ROBO1: variants seen among roughly 807,000 people sequenced by gnomAD.
ROBO1 encodes the protein roundabout guidance receptor 1.
ROBO1 carries 149 observed loss-of-function variants against 195.9 expected under a neutral mutation model. That is an observed-to-expected ratio of 0.76 (90% CI 0.67 to 0.87). The LOEUF (loss-of-function observed/expected upper bound fraction) is 0.87. ROBO1 is among the 40% of genes least tolerant of loss of function. ROBO1 has a pLI of 0.00. For synonymous variants in ROBO1, 816 were observed against 733.2 expected (o/e 1.11, Z -1.82); for missense variants, 1,933 against 2,068.3 (o/e 0.93, Z 1.27).
intron 2 of ROBO1, among the ~76,000 whole-genome samples, chr3:79,568,134 A>G (rs1943150113): frequency 6.6e-6 from 1 of 152,106 alleles, no homozygotes; most frequent in East Asian, 1.9e-4. Context: ...TTCAGACATC[A>G]TTGTTACTAT....
intron 2 of ROBO1, among the ~76,000 whole-genome samples, chr3:79,357,750 T>C (rs2035613652): frequency 6.6e-6 from 1 of 152,132 alleles, no homozygotes. Flanking sequence ...GACTTTGTTT[T>C]ATGTGAGTCT....
intron 1 of ROBO1, among the ~76,000 whole-genome samples, chr3:79,673,398 T>C (rs965628069): frequency 6.6e-6 from 1 of 151,910 alleles, no homozygotes; most frequent in Non-Finnish European, 1.5e-5. Context: ...AGATTTAATG[T>C]TTTGGAACTG....
intron 2 of ROBO1, among the ~76,000 whole-genome samples, chr3:79,364,001 G>A (rs762109299): frequency 3.9e-4 from 59 of 151,874 alleles, no homozygotes; most frequent in Non-Finnish European, 7.1e-4. Context: ...TCAGGAGATC[G>A]AGAACATCCT....
chr3:79,159,766 A>G (rs1233144886), intron 2 of ROBO1, among the ~76,000 whole-genome samples: 1 of 151,982 alleles, frequency 6.6e-6, no homozygotes, highest in Non-Finnish European at 1.5e-5. Flanking sequence ...TATGTTTCTG[A>G]GCCCAGGGTT....
chr3:79,477,640 G>T (rs1938613360), intron 2 of ROBO1, among the ~76,000 whole-genome samples: 1 of 152,094 alleles, frequency 6.6e-6, no homozygotes, highest in South Asian at 2.1e-4. Context: ...GAGAAAAGCT[G>T]TTTTAAGCAG....
At chr3:79,571,604 C>A (rs553834067) in intron 2 of ROBO1, among the ~76,000 whole-genome samples, 1 of 152,130 alleles carries the variant, frequency 6.6e-6, no homozygotes, top group Non-Finnish European at 1.5e-5. Flanking sequence ...ACTGCTTCTT[C>A]ATTTGTGAAA....
At chr3:79,733,952 CT>C (rs747730486) in intron 1 of ROBO1, among the ~76,000 whole-genome samples, 273 of 138,694 alleles carry the variant, frequency 2.0e-3, no homozygotes, top group Non-Finnish European at 2.4e-3. Flanking sequence ...ATCCTCCCAT[CT>C]TTTTTTTTTT....
At chr3:78,704,838 T>C (rs1490614048) in intron 8 of ROBO1, among the ~76,000 whole-genome samples, 1 of 152,096 alleles carries the variant, frequency 6.6e-6, no homozygotes, top group Non-Finnish European at 1.5e-5. Context: ...TGAGACCCTG[T>C]CTCAAAAAAA....
intron 16 of ROBO1, 101 bp from the exon 17 acceptor site, chr3:78,659,908 T>C (rs1575861611): frequency 4.0e-6 from 3 of 746,150 alleles, no homozygotes; most frequent in Non-Finnish European, 5.9e-6. Context: ...TAATACTATA[T>C]CAATATATGC....
At chr3:78,885,940 T>TATATATATATATATATATATATAC (rs1043908565) in intron 4 of ROBO1, among the ~76,000 whole-genome samples, 1 of 140,806 alleles carries the variant, frequency 7.1e-6, no homozygotes, top group Admixed American at 7.1e-5. Flanking sequence ...TATATATATA[T>TATATATATATATATATATATATAC]ACATACATAT....
chr3:78,662,563 TAGTGAAAACCA>T (rs1208272670), intron 14 of ROBO1, among the ~76,000 whole-genome samples: 8 of 152,132 alleles, frequency 5.3e-5, no homozygotes, highest in Non-Finnish European at 1.2e-4. Flanking sequence ...GAGATATGGT[TAGTGAAAACCA>T]AGAACAGAAA....
At chr3:79,501,854 TA>T (rs2107502368) in intron 2 of ROBO1, among the ~76,000 whole-genome samples, 1 of 152,342 alleles carries the variant, frequency 6.6e-6, no homozygotes, top group East Asian at 1.9e-4. Context: ...TAACGGCCAG[TA>T]TCAGTTTTGA....
chr3:79,374,591 G>A lies in ROBO1; in HGVS notation c.88+215233C>T, dbSNP rs558200199. The stretch of plus-strand genomic sequence containing the variant: ...ATTTGATAATATATTTGAACCATAA[G>A]ATATGTGCATATTTTAAATAGCCAT... On this transcript the variant is annotated intron_variant, in intron 2 of 30. Coordinates refer to ENST00000464233, the MANE Select transcript of ROBO1 (RefSeq NM_002941.4). 9.5e-4 allele frequency among the ~76,000 whole-genome samples: 145 copies of A among 152,198 alleles called. 1 individual carries two copies. The Middle Eastern group carries it at 0.02, about 21-fold the overall frequency.
intron 24 of ROBO1, among the ~76,000 whole-genome samples, chr3:78,633,411 G>A (rs2107518439): frequency 6.6e-6 from 1 of 152,232 alleles, no homozygotes; most frequent in East Asian, 1.9e-4. Context: ...ACAGACTGAG[G>A]TTGGGAGGTT....
intron 2 of ROBO1, among the ~76,000 whole-genome samples, chr3:79,285,251 C>T (rs563502517): frequency 3.9e-5 from 6 of 152,188 alleles, no homozygotes; most frequent in Non-Finnish European, 5.9e-5. Flanking sequence ...ATCTCACACT[C>T]ACTTGACTTA....
At chr3:78,916,563 A>G (rs1020034628) in intron 4 of ROBO1, among the ~76,000 whole-genome samples, 10 of 151,958 alleles carry the variant, frequency 6.6e-5, no homozygotes, top group Middle Eastern at 3.4e-3. Flanking sequence ...AAAAGAAAAA[A>G]AAAAAAAAAA....
At chr3:79,500,126 T>G (rs1404400776) in intron 2 of ROBO1, among the ~76,000 whole-genome samples, 2 of 114,788 alleles carry the variant, frequency 1.7e-5, no homozygotes, top group Admixed American at 8.1e-5. Context: ...TCTCTTTTTT[T>G]TTTTTTTTTT....
At chr3:78,787,257 G>T (rs1418812222) in intron 4 of ROBO1, among the ~76,000 whole-genome samples, 1 of 152,046 alleles carries the variant, frequency 6.6e-6, no homozygotes, top group Non-Finnish European at 1.5e-5. Flanking sequence ...ACACTAATCA[G>T]TAATTATATA....
chr3:79,575,164 AATATATATAAATATATATAAC>A (rs1221494311), intron 2 of ROBO1, among the ~76,000 whole-genome samples: 5,255 of 96,766 alleles, frequency 0.054, 191 homozygotes, highest in Non-Finnish European at 0.074. Context: ...ATATATAACA[AATATATATAAATATATATAAC>A]ATATATATAA....
Sources: allele counts gnomAD v4.1 joint callset (sites outside exome capture counted in the v4.1 genomes callset), GRCh38; gene constraint gnomAD v4.1.1; transcripts MANE v1.5; gene names NCBI Gene and HGNC (gene_info 2026-07-23, HGNC 2026-07-21).